Variants in SLC36A4 observed in about 807,000 individuals in gnomAD.
SLC36A4 encodes the protein solute carrier family 36 member 4, also known as neutral amino acid uniporter 4.
In SLC36A4, 49 loss-of-function variants were observed where a neutral mutation model predicts 50.5. The observed-to-expected ratio is 0.97, with a 90% CI of 0.77 to 1.23. The LOEUF is 1.23. Ranked by LOEUF, SLC36A4 falls within the 50% of genes most tolerant of loss-of-function variation. The probability of loss-of-function intolerance (pLI) is 0.00; values close to 1 mark genes in which losing one functional copy is unlikely to be tolerated. For missense variants in SLC36A4, 611 were observed against 608.4 expected, an observed-to-expected ratio of 1.00 and a Z score of -0.05; for synonymous variants, 207 against 206.5, an observed-to-expected ratio of 1.00 and a Z score of -0.02.
rs1027200719 is a variant in SLC36A4 at position 93,147,879 on chromosome 11, T to A, written c.*658A>T. 6.6e-6 allele frequency: 1 copy of A among 152,122 alleles called. No homozygotes were observed. The highest frequency in any genetic ancestry group is 6.6e-5 in the Admixed American group (1 of 15,248). The allele number at this position is 152,122 out of a possible 1,614,324, so 9.4% of individuals were successfully genotyped here. On this transcript the variant is annotated 3_prime_UTR_variant, in exon 11 of 11. Transcript: ENST00000326402. ...ACTGGATAAGTTTTAAAGTCCCTTT[T>A]CAAATTTCATTGAAACACTAAGTCA...
At position 93,197,935 on chromosome 11, in the gene SLC36A4, C is replaced by A; in HGVS notation, c.-103G>T. The A allele has an allele frequency of 8.4e-7, 1 of 1,189,836 alleles. No homozygotes were observed. The highest frequency in any genetic ancestry group is 1.1e-6 in the Non-Finnish European group (1 of 904,040). 73.7% of individuals were successfully genotyped at this position (1,189,836 alleles called of 1,614,324 possible). The stretch of plus-strand genomic sequence containing the variant: ...TACCTCCCCTGCCCGGAGGGACCCG[C>A]GCCTGGTGCCCGCCTCCCTGCCCCG... On this transcript the variant is annotated 5_prime_UTR_variant, in exon 1 of 11. Coordinates refer to ENST00000326402, the MANE Select transcript of SLC36A4 (RefSeq NM_152313.4).
chr11:93,150,219 A>G (rs1449016244), intron 10 of SLC36A4, among the ~76,000 whole-genome samples: 1 of 152,022 alleles, frequency 6.6e-6, no homozygotes, highest in East Asian at 1.9e-4. Context: ...GTACATCACC[A>G]CTGCCATCGA....
At position 93,197,785 on chromosome 11, in the gene SLC36A4, C is replaced by T. The variant is rs1417956672; in HGVS notation, c.48G>A (p.Glu16=). 8.2e-6 allele frequency: 13 copies of T among 1,587,694 alleles called. No homozygotes were observed. The highest frequency in any genetic ancestry group is 1.1e-5 in the Non-Finnish European group (13 of 1,174,058). The change falls in exon 1 of 11, where the codon GAG becomes GAA. Residue 16 remains glutamate (E), a synonymous_variant. Coordinates refer to ENST00000326402, the MANE Select transcript of SLC36A4 (RefSeq NM_152313.4). ...CCCACGCACAACACCGACCTAGCTCCTCGCGCCTCGCCGCCCCGGCAGCCG... is the reference window on the plus strand; with the variant it reads ...CCCACGCACAACACCGACCTAGCTCTTCGCGCCTCGCCGCCCCGGCAGCCG... The part of the protein sequence containing the change: ...TPAAAGAARR[E]ELDMDVMRPL...
chr11:93,176,404 T>A (rs1272416084), intron 6 of SLC36A4, among the ~76,000 whole-genome samples: 2 of 152,198 alleles, frequency 1.3e-5, no homozygotes, highest in Admixed American at 6.5e-5. Flanking sequence ...CTTTATCCAA[T>A]TTGCCAGTCT....
At chr11:93,180,229 T>C in intron 6 of SLC36A4, 1 of 985,148 alleles carries the variant, frequency 1.0e-6, no homozygotes, top group Non-Finnish European at 1.2e-6. Context: ...ATTTTTTATT[T>C]CATTGCTTTC....
chr11:93,160,429 C>A (rs1350958691), intron 9 of SLC36A4: 1 of 985,180 alleles, frequency 1.0e-6, no homozygotes, highest in Middle Eastern at 5.2e-4. Flanking sequence ...CTAATGGTCC[C>A]TTTTAAATCA....
chr11:93,181,403 T>C (rs1565234194), intron 5 of SLC36A4, among the ~76,000 whole-genome samples: 1 of 152,092 alleles, frequency 6.6e-6, no homozygotes, highest in Non-Finnish European at 1.5e-5. Flanking sequence ...TCATGCTTTA[T>C]AAATATCATT....
At position 93,146,270 on chromosome 11, in the gene SLC36A4, A is replaced by G. The variant is rs1859842290; in HGVS notation, c.*2267T>C. 6.6e-6 allele frequency: 1 copy of G among 152,056 alleles called. No individual in the cohort carries two copies. The highest frequency in any genetic ancestry group is 2.1e-4 in the South Asian group (1 of 4,826). 9.4% of individuals were successfully genotyped at this position (152,056 alleles called of 1,614,324 possible). A position where few individuals can be genotyped will look rare whatever the true frequency, so the allele number is the denominator to read the frequency against. On this transcript the variant is annotated 3_prime_UTR_variant, in exon 11 of 11. Coordinates refer to ENST00000326402, the MANE Select transcript of SLC36A4 (RefSeq NM_152313.4). ...AAAAATTAAATAACATACATAGACT[A>G]GAAATATTATCTGAAAACAGGTGAC...
chr11:93,171,486 A>C (rs906841292), intron 6 of SLC36A4: 7 of 152,056 alleles, frequency 4.6e-5, no homozygotes, highest in Non-Finnish European at 7.4e-5. Flanking sequence ...CACACTACTC[A>C]TGTTTTGTGA....
At chr11:93,170,765 T>C (rs1442198901) in intron 6 of SLC36A4, among the ~76,000 whole-genome samples, 1 of 152,068 alleles carries the variant, frequency 6.6e-6, no homozygotes, top group African/African-American at 2.4e-5. Flanking sequence ...CACTATGGAC[T>C]AGACTTATCA....
In SLC36A4 at chr11:93,146,716, A is replaced by G. The variant is rs1438189298; in HGVS notation, c.*1821T>C. ...TTCAAGTATGGTATACTAACAAACT[A>G]GAGTATCACCAGCCTGAGTAAACAG... is the stretch of plus-strand genomic sequence containing the variant. On this transcript the variant is annotated 3_prime_UTR_variant, in exon 11 of 11. Transcript: ENST00000326402. The G allele has an allele frequency of 6.6e-6, 1 of 152,110 alleles. No individual in the cohort carries two copies. The highest frequency in any genetic ancestry group is 1.5e-5 in the Non-Finnish European group (1 of 67,988). 9.4% of individuals were successfully genotyped at this position (152,110 alleles called of 1,614,324 possible).
At chr11:93,169,120 T>C (rs1158060574) in intron 6 of SLC36A4, among the ~76,000 whole-genome samples, 1 of 152,116 alleles carries the variant, frequency 6.6e-6, no homozygotes, top group Non-Finnish European at 1.5e-5. Context: ...CTAAAAATTC[T>C]TAAGACCTTG....
Position 93,180,799 on chromosome 11 carries a change from G to T in SLC36A4, c.538C>A (p.Gln180Lys), listed in dbSNP as rs1236589767. 1 of 1,608,382 alleles carries T rather than the reference G, an allele frequency of 6.2e-7. No homozygotes were observed. Among genetic ancestry groups the T allele is most frequent in the Admixed American group, 1.7e-5 (1 of 59,842 alleles). ...ACTAACTGGAGAAAAATACTCACTT[G>T]TTTCACATTTTCAGCTAAGAAGACA... Reference protein sequence around the residue: ...YIVFLAENVKQVHEGFLESKV... With the variant: ...YIVFLAENVKKVHEGFLESKV... The change falls in exon 6 of 11, where the codon CAA becomes AAA. Residue 180 changes from glutamine to lysine, a missense_variant and splice_region_variant. Coordinates refer to ENST00000326402, the MANE Select transcript of SLC36A4 (RefSeq NM_152313.4).
intron 6 of SLC36A4, among the ~76,000 whole-genome samples, chr11:93,169,524 C>A (rs1274309831): frequency 6.6e-6 from 1 of 152,098 alleles, no homozygotes; most frequent in Non-Finnish European, 1.5e-5. Flanking sequence ...TTAAGTGTTT[C>A]TTCTACTTTA....
At position 93,183,262 on chromosome 11, in the gene SLC36A4, AT is replaced by A. The variant is rs532516341; in HGVS notation, c.271-369del. Among the ~76,000 whole-genome samples the A allele has an allele frequency of 2.0e-5, 3 of 152,324 alleles. No homozygotes were observed. The East Asian group carries it at 5.8e-4, about 29-fold the overall frequency. On this transcript the variant is annotated intron_variant, in intron 3 of 10. Coordinates refer to ENST00000326402, the MANE Select transcript of SLC36A4 (RefSeq NM_152313.4). ...ATTATCTAAATCCCGAAAACGCACA[AT>A]ATCAAACGGAGACTGTGAGCAATTT... is the stretch of plus-strand genomic sequence containing the variant.
At chr11:93,187,998 T>C (rs559496460) in intron 1 of SLC36A4, among the ~76,000 whole-genome samples, 1 of 152,308 alleles carries the variant, frequency 6.6e-6, no homozygotes, top group East Asian at 1.9e-4. Flanking sequence ...AATTAGACTT[T>C]CTCTTTCTGA....
In SLC36A4 at chr11:93,162,857, G is replaced by A. The variant is rs199768507; in HGVS notation, c.886C>T (p.Gln296Ter). 7.7e-5 allele frequency: 124 copies of A among 1,611,834 alleles called. No individual in the cohort carries two copies. Among genetic ancestry groups the A allele is most frequent in the South Asian group, 1.1e-5 (1 of 90,700 alleles). Residue 296 changes from glutamine to a stop codon, truncating the protein, a stop_gained, in exon 9 of 11, where the codon CAA becomes TAA. Coordinates refer to ENST00000326402, the MANE Select transcript of SLC36A4 (RefSeq NM_152313.4). LOFTEE classifies it high-confidence loss of function. ...GGGAAACGCTTTGATTCTTTCATTT[G>A]GTTTTCCAGTGGAAGGACCTAAGAA... is the stretch of plus-strand genomic sequence containing the variant. ...GIGVVLPLEN[Q>*]MKESKRFPQA... is the part of the protein sequence containing the mutation.
At chr11:93,186,030 G>A (rs1419975416) in intron 1 of SLC36A4, among the ~76,000 whole-genome samples, 1 of 152,150 alleles carries the variant, frequency 6.6e-6, no homozygotes, top group Non-Finnish European at 1.5e-5. Flanking sequence ...TGCAGTGCAA[G>A]GTGAAAGCTT....
chr11:93,193,086 T>G (rs1862280093), intron 1 of SLC36A4: 4 of 794,592 alleles, frequency 5.0e-6, no homozygotes, highest in Non-Finnish European at 6.1e-6. Context: ...AGAAGCATAT[T>G]AAGCTCTATG....
Sources: allele counts gnomAD v4.1 joint callset (sites outside exome capture counted in the v4.1 genomes callset), GRCh38; gene constraint gnomAD v4.1.1; transcripts MANE v1.5; gene names NCBI Gene and HGNC (gene_info 2026-07-23, HGNC 2026-07-21).